Variants in SMIM10L3 observed in about 807,000 individuals in gnomAD.
SMIM10L3 encodes small integral membrane protein 10 like 3.
the SMIM10L3 span, among the ~76,000 whole-genome samples, chr7:6,340,211 T>C: frequency 6.6e-6 from 1 of 152,140 alleles, no homozygotes; most frequent in Non-Finnish European, 1.5e-5. Flanking sequence ...GAAGATTCGA[T>C]GTATGAGAAG....
chr7:6,334,408 T>C, the SMIM10L3 span, among the ~76,000 whole-genome samples: 5 of 151,716 alleles, frequency 3.3e-5, no homozygotes, highest in South Asian at 2.1e-4. Context: ...TGGTGGAGCA[T>C]GCCTGTAGTC....
At chr7:6,333,327 A>G in the SMIM10L3 span, among the ~76,000 whole-genome samples, 1 of 152,154 alleles carries the variant, frequency 6.6e-6, no homozygotes, top group South Asian at 2.1e-4. Context: ...AGCTTCAGCA[A>G]GGACAGGATG....
the SMIM10L3 span, chr7:6,330,790 A>C: frequency 1.9e-6 from 3 of 1,614,018 alleles, no homozygotes; most frequent in East Asian, 4.5e-5. Flanking sequence ...CAGAGCTTCA[A>C]CACCACTGCA....
the SMIM10L3 span, among the ~76,000 whole-genome samples, chr7:6,345,122 G>A: frequency 2.0e-5 from 3 of 149,412 alleles, no homozygotes; most frequent in Non-Finnish European, 3.0e-5. Flanking sequence ...TTTTCTTGTT[G>A]TTGTTTAATT....
the SMIM10L3 span, among the ~76,000 whole-genome samples, chr7:6,343,397 CATATATAT>C: frequency 0.042 from 3,628 of 86,464 alleles, 87 homozygotes; most frequent in Admixed American, 0.082. Context: ...ATAATAATTT[CATATATAT>C]ATATATATAT....
chr7:6,337,061 G>C, the SMIM10L3 span, among the ~76,000 whole-genome samples: 2 of 151,706 alleles, frequency 1.3e-5, no homozygotes, highest in Non-Finnish European at 2.9e-5. Context: ...TGTTGAAATA[G>C]GTATTTTAAT....
chr7:6,346,154 C>T, the SMIM10L3 span, among the ~76,000 whole-genome samples: 1 of 152,086 alleles, frequency 6.6e-6, no homozygotes, highest in African/African-American at 2.4e-5. Context: ...ACGGCAAATA[C>T]TGGGCCCCTA....
chr7:6,343,011 T>C, the SMIM10L3 span, among the ~76,000 whole-genome samples: 1 of 148,252 alleles, frequency 6.7e-6, no homozygotes, highest in Non-Finnish European at 1.5e-5. Context: ...CACTCCAGCC[T>C]GGATGACAGA....
chr7:6,347,883 T>TTTATTATTATTATTATTATTATTA, the SMIM10L3 span, among the ~76,000 whole-genome samples: 84 of 131,532 alleles, frequency 6.4e-4, 2 homozygotes, highest in African/African-American at 1.9e-3. Context: ...ACGAGACCCC[T>TTTATTATTATTATTATTATTATTA]TTATTATTAT....
At chr7:6,348,014 G>A in the SMIM10L3 span, among the ~76,000 whole-genome samples, 1 of 151,302 alleles carries the variant, frequency 6.6e-6, no homozygotes, top group African/African-American at 2.4e-5. Flanking sequence ...AGGTTCCAGC[G>A]ATTCTGCCGC....
chr7:6,335,160 T>C, the SMIM10L3 span, among the ~76,000 whole-genome samples: 1 of 152,014 alleles, frequency 6.6e-6, no homozygotes, highest in Non-Finnish European at 1.5e-5. Context: ...CCTCCTAGGT[T>C]CAAGCGATTC....
the SMIM10L3 span, among the ~76,000 whole-genome samples, chr7:6,335,241 A>T: frequency 2.1e-5 from 3 of 145,206 alleles, no homozygotes; most frequent in Non-Finnish European, 3.0e-5. Context: ...TTTTTTTTTT[A>T]AATGGAGTCT....
the SMIM10L3 span, among the ~76,000 whole-genome samples, chr7:6,345,226 TC>T: frequency 6.6e-6 from 1 of 151,920 alleles, no homozygotes; most frequent in South Asian, 2.1e-4. Flanking sequence ...CAAGCGATCC[TC>T]CCACCTCTGC....
the SMIM10L3 span, among the ~76,000 whole-genome samples, chr7:6,335,253 G>A: frequency 9.3e-3 from 1,396 of 149,318 alleles, 21 homozygotes; most frequent in African/African-American, 0.033. Flanking sequence ...ATGGAGTCTC[G>A]CTCTTGTTGC....
the SMIM10L3 span, among the ~76,000 whole-genome samples, chr7:6,336,751 G>T: frequency 6.7e-6 from 1 of 150,110 alleles, no homozygotes; most frequent in African/African-American, 2.4e-5. Flanking sequence ...CTTCCTCAAG[G>T]TTGGGTCATC....
the SMIM10L3 span, among the ~76,000 whole-genome samples, chr7:6,337,489 A>C: frequency 6.6e-6 from 1 of 151,826 alleles, no homozygotes; most frequent in Non-Finnish European, 1.5e-5. Context: ...TTAAGTTTCT[A>C]ACCATTTTTA....
At chr7:6,330,394 T>A in the SMIM10L3 span, 687 of 1,613,108 alleles carry the variant, frequency 4.3e-4, 1 homozygote, top group Non-Finnish European at 5.4e-4. Context: ...GCATAATGTA[T>A]TTGCTAATTC....
chr7:6,341,161 C>G, the SMIM10L3 span, among the ~76,000 whole-genome samples: 1 of 143,194 alleles, frequency 7.0e-6, no homozygotes, highest in African/African-American at 2.6e-5. Flanking sequence ...AAAATGAGTG[C>G]TGGCCAGGCA....
At chr7:6,336,554 G>A in the SMIM10L3 span, among the ~76,000 whole-genome samples, 1 of 151,690 alleles carries the variant, frequency 6.6e-6, no homozygotes, top group Non-Finnish European at 1.5e-5. Flanking sequence ...GGTTGCACAT[G>A]CCTATAATCC....
Sources: allele counts gnomAD v4.1 joint callset (sites outside exome capture counted in the v4.1 genomes callset), GRCh38; gene constraint gnomAD v4.1.1; transcripts MANE v1.5; gene names NCBI Gene and HGNC (gene_info 2026-07-23, HGNC 2026-07-21).